LTC4S: variants seen among roughly 807,000 people sequenced by gnomAD.
LTC4S encodes the protein LTC4 synthase.
LTC4S carries 18 observed loss-of-function variants against 19.6 expected under a neutral mutation model. The observed-to-expected ratio is 0.92, with a 90% CI of 0.64 to 1.36. LTC4S has a LOEUF of 1.36. Ranked by LOEUF, LTC4S falls within the 40% of genes most tolerant of loss-of-function variation. LTC4S has a pLI of 0.00. For missense variants in LTC4S, 235 were observed against 212.2 expected (o/e 1.11, Z -0.67); for synonymous variants, 126 against 110.1 (o/e 1.14, Z -0.91).
Position 179,796,298 on chromosome 5 carries a change from G to T in LTC4S, c.357G>T (p.Val119=). 1 of 1,473,468 alleles carries T rather than the reference G, an allele frequency of 6.8e-7. No individual in the cohort carries two copies. Among genetic ancestry groups the T allele is most frequent in the South Asian group, 1.3e-5 (1 of 77,674 alleles). 91.3% of individuals were successfully genotyped at this position (1,473,468 alleles called of 1,614,324 possible). A position where few individuals can be genotyped will look rare whatever the true frequency, so the allele number is the denominator to read the frequency against. Residue 119 remains valine, a synonymous_variant, in exon 5 of 5, where the codon GTG becomes GTT. Coordinates refer to ENST00000292596, the MANE Select transcript of LTC4S (RefSeq NM_145867.2). Reference sequence around the variant, plus strand: ...GCGCGCGCGCCCTCTGGCTGCTGGTGGCGCTGGCTGCGCTCGGCCTGCTCG... The same window carrying T: ...GCGCGCGCGCCCTCTGGCTGCTGGTTGCGCTGGCTGCGCTCGGCCTGCTCG... The part of the protein sequence containing the change: ...YASARALWLL[V]ALAALGLLAH...
chr5:179,796,012 G>T lies in LTC4S; in HGVS notation c.301G>T (p.Ala101Ser). The T allele has an allele frequency of 6.5e-7, 1 of 1,531,018 alleles. No homozygotes were observed. The highest frequency in any genetic ancestry group is 8.7e-7 in the Non-Finnish European group (1 of 1,145,076). The allele number at this position is 1,531,018 out of a possible 1,614,324, so 94.8% of individuals were successfully genotyped here. Residue 101 changes from alanine to serine, a missense_variant, in exon 4 of 5, where the codon GCG becomes TCG. Coordinates refer to ENST00000292596, the MANE Select transcript of LTC4S (RefSeq NM_145867.2). ...LRYFQGYARS[A>S]QLRLAPLYAS... The stretch of plus-strand genomic sequence containing the variant: ...CTACTTCCAGGGCTACGCGCGCTCC[G>T]CGCAGCTCAGGTGAGGGCCGGGCGG...
At chr5:179,795,320 C>T in intron 1 of LTC4S, 2 of 1,322,110 alleles carry the variant, frequency 1.5e-6, no homozygotes, top group Non-Finnish European at 2.0e-6. Flanking sequence ...GAATCACTCA[C>T]CCTCCCCCAT....
At chr5:179,795,509 T>G in intron 1 of LTC4S, 75 bp from the exon 2 acceptor site, 1 of 1,538,440 alleles carries the variant, frequency 6.5e-7, no homozygotes, top group Admixed American at 1.9e-5. Flanking sequence ...AGGGCCAGAT[T>G]GCAGGATCCC....
At chr5:179,795,448 C>T (rs961339824) in intron 1 of LTC4S, 136 bp from the exon 2 acceptor site, 74 of 874,486 alleles carry the variant, frequency 8.5e-5, no homozygotes, top group Admixed American at 7.4e-4. Flanking sequence ...TCTCCTCGGG[C>T]GGGGAGGGGG....
In LTC4S at chr5:179,796,486, C is replaced by T; in HGVS notation, c.*92C>T. 4 of 1,369,648 alleles carry T rather than the reference C, an allele frequency of 2.9e-6. No individual in the cohort carries two copies. Among genetic ancestry groups the T allele is most frequent in the Non-Finnish European group, 3.8e-6 (4 of 1,063,970 alleles). 84.8% of individuals were successfully genotyped at this position (1,369,648 alleles called of 1,614,324 possible). A position where few individuals can be genotyped will look rare whatever the true frequency, so the allele number is the denominator to read the frequency against. On this transcript the variant is annotated 3_prime_UTR_variant, in exon 5 of 5. Transcript: ENST00000292596. ...GGCGCTCGCTTCCGCATCCTAGTCT[C>T]TATCATTAAAGTTCTAGTGACCGAG...
chr5:179,796,399 A>C lies in LTC4S; in HGVS notation c.*5A>C. On this transcript the variant is annotated 3_prime_UTR_variant, in exon 5 of 5. Transcript: ENST00000292596. ...ACGCTGCTGCCGTGGGCCTGAGACC[A>C]AGGCCCCCGGGCCGACGGAGCCGGG... 1 of 1,489,014 alleles carries C rather than the reference A, an allele frequency of 6.7e-7. No individual in the cohort carries two copies. Among genetic ancestry groups the C allele is most frequent in the Middle Eastern group, 2.4e-4 (1 of 4,238 alleles). 92.2% of individuals were successfully genotyped at this position (1,489,014 alleles called of 1,614,324 possible).
chr5:179,794,937 C>A (rs919768368), intron 1 of LTC4S, among the ~76,000 whole-genome samples: 1 of 152,132 alleles, frequency 6.6e-6, no homozygotes, highest in Non-Finnish European at 1.5e-5. Context: ...TGGGGTTAGG[C>A]TAGGAGAGTC....
Position 179,794,015 on chromosome 5 carries a change from C to T in LTC4S, c.-66C>T, listed in dbSNP as rs575923141. On this transcript the variant is annotated 5_prime_UTR_variant, in exon 1 of 5. Transcript: ENST00000292596. ...CTCTCCTGGGCCGTCCTCTGAGCAG[C>T]AGACGGGGCTAAGCGTTCCCCAGCT... The T allele has an allele frequency of 1.2e-6, 2 of 1,611,452 alleles. No homozygotes were observed. The highest frequency in any genetic ancestry group is 2.2e-5 in the East Asian group (1 of 44,796).
Position 179,796,611 on chromosome 5 carries a change from T to C in LTC4S, c.*217T>C, listed in dbSNP as rs1295699684. ...TCCGGGCAGCCCGGGGCGGGCTTCC[T>C]AGTGGCGGCGTGAGAGTGGCTGCGA... On this transcript the variant is annotated 3_prime_UTR_variant, in exon 5 of 5. Coordinates refer to ENST00000292596, the MANE Select transcript of LTC4S (RefSeq NM_145867.2). 3.4e-6 allele frequency: 2 copies of C among 594,264 alleles called. No individual in the cohort carries two copies. Among genetic ancestry groups the C allele is most frequent in the South Asian group, 7.2e-5 (2 of 27,850 alleles). 36.8% of individuals were successfully genotyped at this position (594,264 alleles called of 1,614,324 possible). A position where few individuals can be genotyped will look rare whatever the true frequency, so the allele number is the denominator to read the frequency against.
intron 1 of LTC4S, chr5:179,795,184 C>G: frequency 3.9e-6 from 1 of 259,342 alleles, no homozygotes; most frequent in Non-Finnish European, 7.2e-6. Flanking sequence ...CAGCTCTGCC[C>G]TCAGACTCCC....
In LTC4S at chr5:179,796,489, T is replaced by C. The variant is rs1756633777; in HGVS notation, c.*95T>C. ...GCTCGCTTCCGCATCCTAGTCTCTA[T>C]CATTAAAGTTCTAGTGACCGAGACC... On this transcript the variant is annotated 3_prime_UTR_variant, in exon 5 of 5. Coordinates refer to ENST00000292596, the MANE Select transcript of LTC4S (RefSeq NM_145867.2). 2.2e-6 allele frequency: 3 copies of C among 1,359,560 alleles called. No individual in the cohort carries two copies. The highest frequency in any genetic ancestry group is 2.8e-6 in the Non-Finnish European group (3 of 1,057,892). The allele number at this position is 1,359,560 out of a possible 1,614,324, so 84.2% of individuals were successfully genotyped here. A position where few individuals can be genotyped will look rare whatever the true frequency, so the allele number is the denominator to read the frequency against.
At position 179,796,487 on chromosome 5, in the gene LTC4S, T is replaced by TATCA; in HGVS notation, c.*94_*97dup. 28 of 1,363,126 alleles carry TATCA rather than the reference T, an allele frequency of 2.1e-5. No homozygotes were observed. Among genetic ancestry groups the TATCA allele is most frequent in the Non-Finnish European group, 2.5e-5 (26 of 1,059,292 alleles). 84.4% of individuals were successfully genotyped at this position (1,363,126 alleles called of 1,614,324 possible). A position where few individuals can be genotyped will look rare whatever the true frequency, so the allele number is the denominator to read the frequency against. ...GCGCTCGCTTCCGCATCCTAGTCTC[T>TATCA]ATCATTAAAGTTCTAGTGACCGAGA... On this transcript the variant is annotated 3_prime_UTR_variant, in exon 5 of 5. Coordinates refer to ENST00000292596, the MANE Select transcript of LTC4S (RefSeq NM_145867.2).
At position 179,795,802 on chromosome 5, in the gene LTC4S, T is replaced by C; in HGVS notation, c.175T>C (p.Tyr59His). The change falls in exon 3 of 5, where the codon TAC (tyrosine) becomes CAC (histidine). Residue 59 changes from tyrosine (Y) to histidine (H), a missense_variant. Tyr to His is a moderately conservative substitution (Grantham distance 83, BLOSUM62 2). Coordinates refer to ENST00000292596, the MANE Select transcript of LTC4S (RefSeq NM_145867.2). The part of the protein sequence containing the change: ...VYRAQVNCSE[Y>H]FPLFLATLWV... The stretch of plus-strand genomic sequence containing the variant: ...CCACCGCAGGGTGAACTGCAGCGAG[T>C]ACTTCCCGCTGTTCCTCGCCACGCT... The C allele has an allele frequency of 6.2e-7, 1 of 1,602,322 alleles. No homozygotes were observed. Among genetic ancestry groups the C allele is most frequent in the South Asian group, 1.1e-5 (1 of 90,066 alleles).
In LTC4S at chr5:179,794,032, T is replaced by A; in HGVS notation, c.-49T>A. On this transcript the variant is annotated 5_prime_UTR_variant, in exon 1 of 5. Coordinates refer to ENST00000292596, the MANE Select transcript of LTC4S (RefSeq NM_145867.2). The stretch of plus-strand genomic sequence containing the variant: ...CTGAGCAGCAGACGGGGCTAAGCGT[T>A]CCCCAGCTCGCCTTCACACACAGCC... 1 of 1,612,902 alleles carries A rather than the reference T, an allele frequency of 6.2e-7. No homozygotes were observed. The highest frequency in any genetic ancestry group is 8.5e-7 in the Non-Finnish European group (1 of 1,179,720).
chr5:179,795,576 T>G lies in LTC4S; in HGVS notation c.59-8T>G. On this transcript the variant is annotated splice_region_variant and splice_polypyrimidine_tract_variant and intron_variant, in intron 1 of 4. Coordinates refer to ENST00000292596, the MANE Select transcript of LTC4S (RefSeq NM_145867.2). ...CAGACCTGACTCCCGCTCCCCCTCC[T>G]CCCCCAGCCTACTTCTCCCTGCAGG... 6.2e-7 allele frequency: 1 copy of G among 1,605,590 alleles called. No individual in the cohort carries two copies.
intron 4 of LTC4S, 98 bp downstream of exon 4, chr5:179,796,120 C>T (rs138945650): frequency 0.011 from 14,465 of 1,280,726 alleles, 115 homozygotes; most frequent in Admixed American, 0.016. Flanking sequence ...GGCGACGGGC[C>T]GGAGCCCAGC....
At chr5:179,794,831 T>C (rs906848750) in intron 1 of LTC4S, among the ~76,000 whole-genome samples, 2 of 152,094 alleles carry the variant, frequency 1.3e-5, no homozygotes, top group Non-Finnish European at 2.9e-5. Context: ...CTGTGTGTGG[T>C]CTGGCCTGGC....
rs1756570917 is a variant in LTC4S, at chr5:179,795,393, A to C, written c.59-191A>C. 3 of 1,437,068 alleles carry C rather than the reference A, an allele frequency of 2.1e-6. No homozygotes were observed. In the South Asian group the frequency reaches 4.4e-5, roughly 21 times the overall value. 89.0% of individuals were successfully genotyped at this position (1,437,068 alleles called of 1,614,324 possible). A position where few individuals can be genotyped will look rare whatever the true frequency, so the allele number is the denominator to read the frequency against. ...GGCTTCAGCCCTGCCCTCCTCGCTG[A>C]ATGTCAGGGACACAGGGCAGGCCAG... On this transcript the variant is annotated intron_variant, in intron 1 of 4. Transcript: ENST00000292596.
Position 179,795,887 on chromosome 5 carries a change from G to C in LTC4S, c.229+31G>C, listed in dbSNP as rs765145315. On this transcript the variant is annotated intron_variant, in intron 3 of 4. Coordinates refer to ENST00000292596, the MANE Select transcript of LTC4S (RefSeq NM_145867.2). Reference sequence around the variant, plus strand: ...GGTGTGGGGCAGGGGCGCACGCGCTGGACCCCCGGGACCCGCGCAGGGCGC... The same window carrying C: ...GGTGTGGGGCAGGGGCGCACGCGCTCGACCCCCGGGACCCGCGCAGGGCGC... 13 of 1,595,596 alleles carry C rather than the reference G, an allele frequency of 8.1e-6. No individual in the cohort carries two copies. In the African/African-American group the frequency reaches 1.6e-4, roughly 20 times the overall value.
Sources: allele counts gnomAD v4.1 joint callset (sites outside exome capture counted in the v4.1 genomes callset), GRCh38; gene constraint gnomAD v4.1.1; transcripts MANE v1.5; gene names NCBI Gene and HGNC (gene_info 2026-07-23, HGNC 2026-07-21).